The following ATP10B variants were observed in gnomAD, a reference collection of about 807,000 sequenced individuals.
ATP10B encodes phospholipid-transporting ATPase VB.
Under a neutral mutation model 141.2 loss-of-function variants are expected in ATP10B, and 122 were observed. That is an observed-to-expected ratio of 0.86 (90% CI 0.75 to 1.00). The LOEUF (loss-of-function observed/expected upper bound fraction) is 1.00, where lower values mean the gene tolerates loss of function less well. Ranked by LOEUF, ATP10B falls within the 50% of genes least tolerant of loss-of-function variation. ATP10B has a pLI of 0.00. For synonymous variants in ATP10B, 685 were observed against 692.0 expected (o/e 0.99, Z 0.16); for missense variants, 1,876 against 1,825.3 (o/e 1.03, Z -0.51).
the ATP10B span, among the ~76,000 whole-genome samples, chr5:160,920,905 C>A: frequency 6.6e-6 from 1 of 152,166 alleles, no homozygotes; most frequent in Non-Finnish European, 1.5e-5. Flanking sequence ...AAGTTGAGAA[C>A]CACAGTTTTA....
intron 2 of ATP10B, among the ~76,000 whole-genome samples, chr5:160,755,834 A>T (rs1262855309): frequency 0.03 from 1,907 of 63,042 alleles, 12 homozygotes; most frequent in Admixed American, 0.053. Context: ...AAAAAAAAAA[A>T]AAAAATATAT....
At chr5:160,830,905 TTCTC>T (rs966370736) in intron 1 of ATP10B, among the ~76,000 whole-genome samples, 19 of 151,650 alleles carry the variant, frequency 1.3e-4, no homozygotes, top group African/African-American at 4.6e-4. Context: ...TTTATTCTCA[TTCTC>T]TCTATCCCTG....
At chr5:160,811,524 G>A (rs1370768231) in intron 1 of ATP10B, among the ~76,000 whole-genome samples, 1 of 152,156 alleles carries the variant, frequency 6.6e-6, no homozygotes, top group Non-Finnish European at 1.5e-5. Context: ...TTAAGGAAAT[G>A]CTAGTGGTAG....
chr5:160,801,863 T>C (rs1452259457), intron 1 of ATP10B, among the ~76,000 whole-genome samples: 1 of 152,166 alleles, frequency 6.6e-6, no homozygotes, highest in Admixed American at 6.6e-5. Context: ...TCGAAACAGA[T>C]TGGGAAGCTC....
intron 5 of ATP10B, among the ~76,000 whole-genome samples, chr5:160,687,576 C>A (rs930671049): frequency 5.9e-5 from 9 of 152,050 alleles, no homozygotes; most frequent in African/African-American, 1.9e-4. Flanking sequence ...CCAGCTTGGG[C>A]AACGTGGCAA....
At chr5:160,671,107 G>T (rs369904961) in intron 6 of ATP10B, among the ~76,000 whole-genome samples, 1 of 141,944 alleles carries the variant, frequency 7.0e-6, no homozygotes, top group Non-Finnish European at 1.5e-5. Flanking sequence ...GGAGGTTGCA[G>T]TGAGCCGAGA....
chr5:160,900,090 T>G, the ATP10B span, among the ~76,000 whole-genome samples: 12 of 152,154 alleles, frequency 7.9e-5, no homozygotes, highest in African/African-American at 2.9e-4. Flanking sequence ...CAGTAGCTCC[T>G]GTAGAAAATC....
chr5:160,921,720 A>G, the ATP10B span, among the ~76,000 whole-genome samples: 1 of 152,230 alleles, frequency 6.6e-6, no homozygotes, highest in East Asian at 1.9e-4. Context: ...TGAAGGCTGT[A>G]CCTGGCTGTG....
At chr5:160,876,644 C>A in the ATP10B span, among the ~76,000 whole-genome samples, 3 of 151,638 alleles carry the variant, frequency 2.0e-5, no homozygotes, top group African/African-American at 7.3e-5. Context: ...GCTAGCAAGA[C>A]TAATAAAGAA....
At chr5:160,591,980 G>C (rs1756329715) in intron 22 of ATP10B, among the ~76,000 whole-genome samples, 1 of 152,120 alleles carries the variant, frequency 6.6e-6, no homozygotes, top group African/African-American at 2.4e-5. Context: ...CTTTCCTCCA[G>C]GTGCAAGACA....
chr5:160,621,387 C>T (rs980385777), intron 14 of ATP10B, among the ~76,000 whole-genome samples: 2 of 152,166 alleles, frequency 1.3e-5, no homozygotes, highest in African/African-American at 2.4e-5. Context: ...CAGGTCTCCT[C>T]GACTCCAGAG....
intron 6 of ATP10B, among the ~76,000 whole-genome samples, chr5:160,673,108 T>A (rs534347902): frequency 6.6e-6 from 1 of 152,322 alleles, no homozygotes; most frequent in East Asian, 1.9e-4. Flanking sequence ...CACGGTTAAA[T>A]GTCATCCAAA....
chr5:160,603,168 G>A (rs1460632370), intron 20 of ATP10B: 1 of 163,246 alleles, frequency 6.1e-6, no homozygotes, highest in East Asian at 1.7e-4. Context: ...CTGCCCCTGG[G>A]ATTACTCAGA....
chr5:160,914,371 T>A, the ATP10B span, among the ~76,000 whole-genome samples: 1 of 152,184 alleles, frequency 6.6e-6, no homozygotes, highest in African/African-American at 2.4e-5. Context: ...GTGAGATTAG[T>A]TCTAGGCCCC....
Position 160,589,653 on chromosome 5 carries a change from G to T in ATP10B, c.3689C>A (p.Pro1230Gln), listed in dbSNP as rs1025608773. ...TGTGGTGAGGGAGATGGTGTTGATT[G>T]GTGTCCCAAAGGTAAAGACATCTAT... The part of the protein sequence containing the change: ...SDIDVFTFGT[P>Q]INTISLTTIL... Residue 1230 changes from proline to glutamine, a missense_variant, in exon 24 of 26, where the codon CCA (proline) becomes CAA (glutamine). Pro to Gln is a moderately conservative substitution (Grantham distance 76). Transcript: ENST00000327245. The T allele has an allele frequency of 6.2e-7, 1 of 1,614,104 alleles. No homozygotes were observed. Among genetic ancestry groups the T allele is most frequent in the Non-Finnish European group, 8.5e-7 (1 of 1,179,984 alleles).
At position 160,817,479 on chromosome 5, in the gene ATP10B, C is replaced by T. The variant is rs181192508; in HGVS notation, c.-575-31676G>A. On this transcript the variant is annotated intron_variant, in intron 1 of 25. Transcript: ENST00000327245. ...GGACCTCTTCAATAACTACAAACCA[C>T]GGCTCAATGAAATAAAAGAGGATAC... Among the ~76,000 whole-genome samples, 26 of 152,242 alleles carry T rather than the reference C, an allele frequency of 1.7e-4. No individual in the cohort carries two copies. In the East Asian group the frequency reaches 3.1e-3, roughly 18 times the overall value.
In ATP10B at chr5:160,602,638, T is replaced by C; in HGVS notation, c.3302A>G (p.His1101Arg). ...FKHLKKLLLV[H>R]GHWCYSRLAR... The stretch of plus-strand genomic sequence containing the variant: ...CAGGCGCGAGTAACACCAGTGGCCA[T>C]GCACGAGCAGCAACTTCTTGAGATG... Residue 1101 changes from histidine to arginine, a missense_variant, in exon 21 of 26, where the codon CAT (histidine) becomes CGT (arginine). Transcript: ENST00000327245. The C allele has an allele frequency of 3.1e-6, 5 of 1,614,076 alleles. No individual in the cohort carries two copies. Among genetic ancestry groups the C allele is most frequent in the South Asian group, 2.2e-5 (2 of 91,078 alleles).
At chr5:160,569,726 G>A in intron 24 of ATP10B, 43 bp from the exon 25 acceptor site, 1 of 1,428,054 alleles carries the variant, frequency 7.0e-7, no homozygotes, top group Non-Finnish European at 9.3e-7. Flanking sequence ...GTATAGCTGA[G>A]ATTAGGAGGC....
intron 13 of ATP10B, among the ~76,000 whole-genome samples, chr5:160,628,787 AC>A (rs1209537312): frequency 6.6e-6 from 1 of 152,124 alleles, no homozygotes; most frequent in Admixed American, 6.5e-5. Flanking sequence ...GAGAAAAAAA[AC>A]CCATTTCATT....
Sources: gnomAD v4.1 joint callset for allele counts (sites outside exome capture counted in the v4.1 genomes callset) on GRCh38, gnomAD v4.1.1 for gene constraint, MANE v1.5 for transcripts, NCBI Gene and HGNC (gene_info 2026-07-23, HGNC 2026-07-21) for gene names.